Variants in ERBB4 observed in about 807,000 individuals in gnomAD.
ERBB4 encodes erb-b2 receptor tyrosine kinase 4.
A neutral mutation model predicts 158.0 loss-of-function variants in ERBB4; 42 were observed. That is an observed-to-expected ratio of 0.27 (90% CI 0.21 to 0.34). The LOEUF (loss-of-function observed/expected upper bound fraction) is 0.34, where lower values mean the gene tolerates loss of function less well. Among genes scored for constraint, ERBB4 ranks in the 10% least tolerant of loss-of-function variants. The pLI is 1.00. For synonymous variants in ERBB4, 583 were observed against 558.7 expected, an observed-to-expected ratio of 1.04 and a Z score of -0.61; for missense variants, 1,333 against 1,624.1, an observed-to-expected ratio of 0.82 and a Z score of 3.08.
chr2:211,593,645 ATC>A (rs1460854057), intron 19 of ERBB4, among the ~76,000 whole-genome samples: 1 of 152,244 alleles, frequency 6.6e-6, no homozygotes, highest in African/African-American at 2.4e-5. Flanking sequence ...TTACACTTGT[ATC>A]TGTTGTCACA....
At chr2:212,178,034 T>G (rs2081732401) in intron 1 of ERBB4, among the ~76,000 whole-genome samples, 1 of 151,506 alleles carries the variant, frequency 6.6e-6, no homozygotes, top group Admixed American at 6.6e-5. Context: ...AAACAGTATG[T>G]GCAAATGGTC....
At chr2:211,491,330 G>A (rs1012689272) in intron 20 of ERBB4, among the ~76,000 whole-genome samples, 1 of 151,922 alleles carries the variant, frequency 6.6e-6, no homozygotes, top group African/African-American at 2.4e-5. Flanking sequence ...ACAAAATCAG[G>A]GCAGAATCAG....
At chr2:211,732,958 C>G (rs2074475750) in intron 5 of ERBB4, among the ~76,000 whole-genome samples, 1 of 152,148 alleles carries the variant, frequency 6.6e-6, no homozygotes, top group South Asian at 2.1e-4. Context: ...GCCTGCGTGA[C>G]TGAGTGAGAC....
At chr2:211,431,978 G>C (rs1047173631) in intron 20 of ERBB4, among the ~76,000 whole-genome samples, 1 of 152,004 alleles carries the variant, frequency 6.6e-6, no homozygotes, top group Non-Finnish European at 1.5e-5. Flanking sequence ...TCAGTACTAG[G>C]TAAACTAAGG....
intron 2 of ERBB4, among the ~76,000 whole-genome samples, chr2:212,110,511 C>G (rs1464218188): frequency 6.6e-6 from 1 of 152,220 alleles, no homozygotes; most frequent in Non-Finnish European, 1.5e-5. Context: ...AAAGCAGTCA[C>G]TGCTGCTACC....
intron 20 of ERBB4, chr2:211,535,605 G>T (rs1214906106): frequency 2.0e-5 from 3 of 152,216 alleles, no homozygotes; most frequent in Admixed American, 2.0e-4. Context: ...GTGTGTGTGT[G>T]TGTGTGTGTC....
intron 13 of ERBB4, among the ~76,000 whole-genome samples, chr2:211,676,424 C>G (rs1016359294): frequency 6.6e-6 from 1 of 151,938 alleles, no homozygotes; most frequent in African/African-American, 2.4e-5. Context: ...CTCAGGAAAC[C>G]TGTATTTTTC....
chr2:212,474,435 T>C (rs1358185648), intron 1 of ERBB4, among the ~76,000 whole-genome samples: 3 of 152,136 alleles, frequency 2.0e-5, no homozygotes, highest in Non-Finnish European at 4.4e-5. Flanking sequence ...CTGATGTTAG[T>C]ATTACTGAAA....
chr2:211,629,154 T>C (rs1430314895), intron 17 of ERBB4, among the ~76,000 whole-genome samples: 2 of 152,156 alleles, frequency 1.3e-5, no homozygotes, highest in African/African-American at 2.4e-5. Flanking sequence ...CCCAATCATA[T>C]CAGCCCCCAA....
intron 3 of ERBB4, among the ~76,000 whole-genome samples, chr2:211,826,597 C>CTAGAACAGTG (rs1559551799): frequency 6.6e-6 from 1 of 151,772 alleles, no homozygotes; most frequent in East Asian, 1.9e-4. Flanking sequence ...TCCCAAGGAC[C>CTAGAACAGTG]TAGAACAGTG....
chr2:211,487,776 C>T (rs2065242240), intron 20 of ERBB4, among the ~76,000 whole-genome samples: 1 of 152,078 alleles, frequency 6.6e-6, no homozygotes, highest in Admixed American at 6.6e-5. Context: ...GTAAATTTCA[C>T]TGACAGTAAA....
chr2:212,151,236 AT>A (rs1490120774), intron 1 of ERBB4, among the ~76,000 whole-genome samples: 1 of 151,380 alleles, frequency 6.6e-6, no homozygotes, highest in Non-Finnish European at 1.5e-5. Flanking sequence ...TTTGTTAAGC[AT>A]TTTAGCTGTA....
At chr2:212,517,095 G>A (rs1691891027) in intron 1 of ERBB4, among the ~76,000 whole-genome samples, 1 of 152,092 alleles carries the variant, frequency 6.6e-6, no homozygotes, top group Admixed American at 6.6e-5. Flanking sequence ...AATTACAGAT[G>A]AAATTCGAAA....
At chr2:211,949,197 A>C (rs1409324962) in intron 2 of ERBB4, among the ~76,000 whole-genome samples, 1 of 152,154 alleles carries the variant, frequency 6.6e-6, no homozygotes, top group Non-Finnish European at 1.5e-5. Flanking sequence ...GGTCTCCTTG[A>C]GTCTATTCCT....
intron 1 of ERBB4, among the ~76,000 whole-genome samples, chr2:212,515,923 AAAAT>A (rs1691814618): frequency 6.6e-6 from 1 of 152,076 alleles, no homozygotes; most frequent in African/African-American, 2.4e-5. Flanking sequence ...TTAAAAATGA[AAAAT>A]AAAACAATAA....
chr2:211,451,330 C>T (rs530620835), intron 20 of ERBB4, among the ~76,000 whole-genome samples: 17 of 152,022 alleles, frequency 1.1e-4, no homozygotes, highest in African/African-American at 2.9e-4. Context: ...GCATTCAGGA[C>T]GGAAGTCTGA....
chr2:212,074,508 A>G (rs1260064998), intron 2 of ERBB4, among the ~76,000 whole-genome samples: 1 of 151,982 alleles, frequency 6.6e-6, no homozygotes, highest in Non-Finnish European at 1.5e-5. Flanking sequence ...GGTTTTGGTT[A>G]TTATTTAACC....
chr2:211,518,871 G>A lies in ERBB4; in HGVS notation c.2487+43032C>T, dbSNP rs1003836390. Among the ~76,000 whole-genome samples, 12 of 151,948 alleles carry A rather than the reference G, an allele frequency of 7.9e-5. No individual in the cohort carries two copies. The South Asian group carries it at 1.2e-3, about 16-fold the overall frequency. ...AAATACAGGTAGAGTGTTTAGCATC[G>A]GTTCACTAAATATTGGGTAATTTAC... On this transcript the variant is annotated intron_variant, in intron 20 of 27. Transcript: ENST00000342788.
chr2:212,532,221 T>G (rs1206391049), intron 1 of ERBB4, among the ~76,000 whole-genome samples: 1 of 152,230 alleles, frequency 6.6e-6, no homozygotes, highest in African/African-American at 2.4e-5. Context: ...TTTCCTTACC[T>G]AAAACATAAG....
Sources: gnomAD v4.1 joint callset for allele counts (sites outside exome capture counted in the v4.1 genomes callset) on GRCh38, gnomAD v4.1.1 for gene constraint, MANE v1.5 for transcripts, NCBI Gene and HGNC (gene_info 2026-07-23, HGNC 2026-07-21) for gene names.